The following DNAH5 variants were observed in gnomAD, a reference collection of about 807,000 sequenced individuals.
DNAH5 encodes dynein axonemal heavy chain 5.
DNAH5 carries 372 observed loss-of-function variants against 518.2 expected under a neutral mutation model. The observed-to-expected ratio is 0.72, with a 90% confidence interval of 0.66 to 0.78. DNAH5 has a LOEUF of 0.78. Among genes scored for constraint, DNAH5 ranks in the 30% least tolerant of loss-of-function variants. DNAH5 has a pLI of 0.00. For synonymous variants in DNAH5, 2,039 were observed against 2,025.9 expected, an observed-to-expected ratio of 1.01 and a Z score of -0.17; for missense variants, 5,523 against 5,687.0, an observed-to-expected ratio of 0.97 and a Z score of 0.93.
intron 60 of DNAH5, among the ~76,000 whole-genome samples, chr5:13,761,600 A>T (rs1271061669): frequency 1.3e-5 from 2 of 151,842 alleles, no homozygotes; most frequent in Non-Finnish European, 2.9e-5. Context: ...CTCAAAAAAA[A>T]AAAAAAGACA....
intron 29 of DNAH5, chr5:13,860,569 T>C (rs1768268084): frequency 6.6e-6 from 1 of 152,186 alleles, no homozygotes; most frequent in Non-Finnish European, 1.5e-5. Flanking sequence ...AGTAGTGGCA[T>C]TGGATGTAAT....
At chr5:13,759,217 A>G (rs1580096795) in intron 60 of DNAH5, among the ~76,000 whole-genome samples, 6 of 152,350 alleles carry the variant, frequency 3.9e-5, no homozygotes, top group Admixed American at 3.9e-4. Flanking sequence ...TATTTTCTTT[A>G]AAGTGCCAGA....
chr5:13,719,597 T>A (rs1744765872), intron 71 of DNAH5, among the ~76,000 whole-genome samples: 1 of 152,210 alleles, frequency 6.6e-6, no homozygotes, highest in East Asian at 1.9e-4. Context: ...TTATACCACA[T>A]AACTCCCCAA....
intron 41 of DNAH5, among the ~76,000 whole-genome samples, chr5:13,817,942 C>A (rs1004404201): frequency 1.3e-5 from 2 of 151,902 alleles, no homozygotes; most frequent in Non-Finnish European, 2.9e-5. Flanking sequence ...AAAAAGATAC[C>A]ATGCTGGAAT....
intron 61 of DNAH5, among the ~76,000 whole-genome samples, chr5:13,757,347 C>T (rs781355062): frequency 1.8e-4 from 27 of 152,228 alleles, no homozygotes; most frequent in South Asian, 4.1e-4. Flanking sequence ...TCTTTTTCTC[C>T]GCAATCTCAC....
intron 1 of DNAH5, among the ~76,000 whole-genome samples, chr5:13,975,908 T>G (rs74859164): frequency 0.026 from 3,972 of 152,330 alleles, 67 homozygotes; most frequent in South Asian, 0.048. Context: ...TGGTGGCTCA[T>G]GCCTGTAATC....
chr5:13,754,104 C>T (rs141988768), intron 62 of DNAH5, 99 bp downstream of exon 62: 55 of 1,402,420 alleles, frequency 3.9e-5, no homozygotes, highest in Middle Eastern at 3.7e-4. Flanking sequence ...TGTATACATG[C>T]GCCATGTTGG....
intron 1 of DNAH5, among the ~76,000 whole-genome samples, chr5:13,935,641 A>G (rs1367339304): frequency 6.6e-6 from 1 of 152,218 alleles, no homozygotes; most frequent in African/African-American, 2.4e-5. Context: ...GGGAATACTG[A>G]AATTGCTTTT....
chr5:13,771,007 T>C (rs2126786860), intron 55 of DNAH5, 27 bp from the exon 56 acceptor site: 2 of 1,538,638 alleles, frequency 1.3e-6, no homozygotes, highest in South Asian at 1.1e-5. Context: ...TGACAGTGTG[T>C]GAAATATGTA....
intron 58 of DNAH5, 59 bp downstream of exon 58, chr5:13,768,901 T>C: frequency 1.3e-6 from 2 of 1,567,556 alleles, no homozygotes; most frequent in Non-Finnish European, 1.8e-6. Context: ...TTCATCTTTT[T>C]AGCATTAGTC....
At chr5:13,989,641 A>G (rs13356659) in intron 1 of DNAH5, among the ~76,000 whole-genome samples, 42,480 of 151,430 alleles carry the variant, frequency 0.28, 6,370 homozygotes, top group East Asian at 0.61. Flanking sequence ...CCGCCATCAC[A>G]CCCGGCTAAT....
chr5:13,975,454 T>C (rs1267490440), intron 1 of DNAH5, among the ~76,000 whole-genome samples: 1 of 152,156 alleles, frequency 6.6e-6, no homozygotes, highest in African/African-American at 2.4e-5. Flanking sequence ...CATAGCTCTG[T>C]GCCAGGATTA....
At chr5:13,706,761 T>C (rs1250412681) in intron 76 of DNAH5, among the ~76,000 whole-genome samples, 1 of 152,232 alleles carries the variant, frequency 6.6e-6, no homozygotes, top group Non-Finnish European at 1.5e-5. Flanking sequence ...TATCTGTCTT[T>C]AGCACAATTA....
At chr5:13,878,989 A>G (rs1432589946) in intron 21 of DNAH5, among the ~76,000 whole-genome samples, 1 of 152,212 alleles carries the variant, frequency 6.6e-6, no homozygotes, top group Non-Finnish European at 1.5e-5. Flanking sequence ...AGGACATATC[A>G]TATCTGAATC....
chr5:13,964,937 A>C (rs950833494), intron 1 of DNAH5, among the ~76,000 whole-genome samples: 3 of 152,202 alleles, frequency 2.0e-5, no homozygotes, highest in Admixed American at 2.0e-4. Context: ...AATACCTTCA[A>C]TGTCCAAAAC....
chr5:13,941,770 T>C (rs912821757), intron 1 of DNAH5, among the ~76,000 whole-genome samples: 1 of 152,134 alleles, frequency 6.6e-6, no homozygotes, highest in Non-Finnish European at 1.5e-5. Context: ...GCAACAGCAT[T>C]CCCTAACAGA....
intron 65 of DNAH5, among the ~76,000 whole-genome samples, chr5:13,738,023 A>G (rs1405755783): frequency 1.3e-5 from 2 of 151,952 alleles, no homozygotes; most frequent in Non-Finnish European, 2.9e-5. Flanking sequence ...AGATCATGCA[A>G]CTGCACTCCA....
rs1399199692 is a variant in DNAH5 at position 13,691,711 on chromosome 5, T to C, written c.*273A>G. ...TTCGGAGCGAAGTAAGAAGAAAATA[T>C]ACTACTGTGGATTTGAGGGCCACAC... On this transcript the variant is annotated 3_prime_UTR_variant, in exon 79 of 79. Transcript: ENST00000265104. 2.3e-6 allele frequency: 1 copy of C among 439,720 alleles called. No individual in the cohort carries two copies. The highest frequency in any genetic ancestry group is 4.6e-5 in the East Asian group (1 of 21,712). 27.2% of individuals were successfully genotyped at this position (439,720 alleles called of 1,614,324 possible).
chr5:13,776,036 A>G (rs551968555), intron 55 of DNAH5, among the ~76,000 whole-genome samples: 2 of 152,128 alleles, frequency 1.3e-5, no homozygotes, highest in Admixed American at 1.3e-4. Context: ...TTTATGTTCC[A>G]ATTTCATTTG....
Sources: allele counts gnomAD v4.1 joint callset (sites outside exome capture counted in the v4.1 genomes callset), GRCh38; gene constraint gnomAD v4.1.1; transcripts MANE v1.5; gene names NCBI Gene and HGNC (gene_info 2026-07-23, HGNC 2026-07-21).